Variants in TENM1 observed in about 807,000 individuals in gnomAD.
TENM1 encodes the protein teneurin transmembrane protein 1.
A neutral mutation model predicts 174.8 loss-of-function variants in TENM1; 35 were observed. That is an observed-to-expected ratio of 0.20 (90% CI 0.15 to 0.27). The LOEUF (loss-of-function observed/expected upper bound fraction) is 0.27. Among genes scored for constraint, TENM1 ranks in the 10% least tolerant of loss-of-function variants. TENM1 has a pLI of 1.00. For synonymous variants in TENM1, 781 were observed against 798.7 expected, an observed-to-expected ratio of 0.98 and a Z score of 0.37; for missense variants, 1,633 against 2,130.1, an observed-to-expected ratio of 0.77 and a Z score of 4.59.
chrX:124,454,038 T>C (rs2061074850), intron 22 of TENM1, among the ~76,000 whole-genome samples: 1 of 111,620 alleles, frequency 9.0e-6, no homozygotes, highest in Non-Finnish European at 1.9e-5. Flanking sequence ...AAAATTATAG[T>C]ATCACAAAGG....
At chrX:124,638,910 C>T (rs1215844626) in intron 11 of TENM1, among the ~76,000 whole-genome samples, 1 of 111,185 alleles carries the variant, frequency 9.0e-6, no homozygotes, top group Non-Finnish European at 1.9e-5. Flanking sequence ...CTACATCTAC[C>T]GTGGTCATTC....
the TENM1 span, among the ~76,000 whole-genome samples, chrX:124,992,619 T>C: frequency 9.0e-6 from 1 of 111,086 alleles, no homozygotes; most frequent in Admixed American, 9.6e-5. Context: ...CCTATCTCGG[T>C]TGACCGTAGG....
At chrX:124,923,829 G>T (rs2147689506) in intron 1 of TENM1, among the ~76,000 whole-genome samples, 1 of 111,621 alleles carries the variant, frequency 9.0e-6, no homozygotes, top group East Asian at 2.8e-4. Flanking sequence ...CTAGAAGCTG[G>T]AAAATGCAAG....
the TENM1 span, among the ~76,000 whole-genome samples, chrX:125,085,954 T>G: frequency 9.0e-6 from 1 of 111,045 alleles, no homozygotes; most frequent in Admixed American, 9.6e-5. Context: ...TAAATTCTAT[T>G]TGTTTCTATT....
chrX:124,779,915 T>C (rs2054869246), intron 3 of TENM1, among the ~76,000 whole-genome samples: 1 of 111,911 alleles, frequency 8.9e-6, no homozygotes, highest in Non-Finnish European at 1.9e-5. Context: ...AAGTGGCAAA[T>C]TGGGAACTAA....
intron 3 of TENM1, among the ~76,000 whole-genome samples, chrX:124,868,612 C>G (rs1424042758): frequency 9.0e-6 from 1 of 111,161 alleles, no homozygotes; most frequent in Non-Finnish European, 1.9e-5. Context: ...CAGGCAACCA[C>G]AGCAAAAATG....
At chrX:124,546,145 A>G (rs1313433745) in intron 15 of TENM1, among the ~76,000 whole-genome samples, 3 of 111,837 alleles carry the variant, frequency 2.7e-5, no homozygotes, top group Middle Eastern at 4.7e-3. Context: ...AATACTTTCC[A>G]TGTTTCTTAA....
the TENM1 span, among the ~76,000 whole-genome samples, chrX:125,162,053 C>G: frequency 1.8e-5 from 2 of 111,821 alleles, no homozygotes; most frequent in Non-Finnish European, 3.8e-5. Context: ...TTTCTTAGCA[C>G]TTAAAAAGTA....
intron 5 of TENM1, among the ~76,000 whole-genome samples, chrX:124,691,115 T>C (rs2052510615): frequency 9.0e-6 from 1 of 111,397 alleles, no homozygotes; most frequent in African/African-American, 3.3e-5. Context: ...ATTTACCTGT[T>C]TGCTTATCCT....
At chrX:124,725,167 C>A (rs754567954) in intron 4 of TENM1, among the ~76,000 whole-genome samples, 1 of 111,084 alleles carries the variant, frequency 9.0e-6, no homozygotes, top group Non-Finnish European at 1.9e-5. Context: ...TTTCCCATAT[C>A]CCATCTAGCC....
the TENM1 span, among the ~76,000 whole-genome samples, chrX:125,086,757 T>G: frequency 9.0e-6 from 1 of 110,720 alleles, no homozygotes; most frequent in Non-Finnish European, 1.9e-5. Context: ...TGCTGGAAGT[T>G]GCCTGCTGCA....
chrX:124,392,298 T>A (rs2060290229), exon 28 of TENM1: 3 of 1,208,492 alleles, frequency 2.5e-6, no homozygotes, highest in Non-Finnish European at 3.4e-6. Context: ...AGATCTTTCC[T>A]GTGCGGGTTA....
intron 25 of TENM1, among the ~76,000 whole-genome samples, chrX:124,417,045 T>C (rs894844021): frequency 2.7e-5 from 3 of 111,643 alleles, no homozygotes; most frequent in Non-Finnish European, 5.6e-5. Context: ...AATAAATTTG[T>C]TCTTGATTAA....
At chrX:124,904,867 C>G (rs1298973820) in intron 1 of TENM1, among the ~76,000 whole-genome samples, 2 of 111,847 alleles carry the variant, frequency 1.8e-5, no homozygotes, top group Non-Finnish European at 3.8e-5. Context: ...TGAATAGAAA[C>G]TTCTTTTGTC....
At chrX:124,756,958 G>A (rs1799666099) in intron 3 of TENM1, among the ~76,000 whole-genome samples, 1 of 112,223 alleles carries the variant, frequency 8.9e-6, no homozygotes, top group South Asian at 3.7e-4. Context: ...ACCCACTTGA[G>A]GAGGCAGTCT....
At chrX:125,095,491 T>C in the TENM1 span, among the ~76,000 whole-genome samples, 1 of 111,696 alleles carries the variant, frequency 9.0e-6, no homozygotes, top group African/African-American at 3.3e-5. Context: ...TATAGAAAAA[T>C]TAATTAATAC....
At chrX:124,788,375 T>G (rs1176301293) in intron 3 of TENM1, among the ~76,000 whole-genome samples, 1 of 111,260 alleles carries the variant, frequency 9.0e-6, no homozygotes, top group Non-Finnish European at 1.9e-5. Flanking sequence ...AATCTCGTAT[T>G]TTCACATTTC....
chrX:124,940,116 A>G (rs916393402), intron 1 of TENM1, among the ~76,000 whole-genome samples: 2 of 111,825 alleles, frequency 1.8e-5, no homozygotes, highest in African/African-American at 6.5e-5. Context: ...TCATGTGTGA[A>G]CATCTGACCT....
At chrX:125,056,147 T>C in the TENM1 span, among the ~76,000 whole-genome samples, 1 of 110,836 alleles carries the variant, frequency 9.0e-6, no homozygotes, top group Admixed American at 9.6e-5. Flanking sequence ...TACCAAAACT[T>C]GGCAAGATTA....
Sources: gnomAD v4.1 joint callset for allele counts (sites outside exome capture counted in the v4.1 genomes callset) on GRCh38, gnomAD v4.1.1 for gene constraint, MANE v1.5 for transcripts, NCBI Gene and HGNC (gene_info 2026-07-23, HGNC 2026-07-21) for gene names.